The following TRAF2 variants were observed in gnomAD, a reference collection of about 807,000 sequenced individuals.
TRAF2 encodes the protein TNF receptor associated factor 2, also known as TNF receptor-associated factor 2.
A neutral mutation model predicts 55.6 loss-of-function variants in TRAF2; 6 were observed. That is an observed-to-expected ratio of 0.11 (90% CI 0.06 to 0.21). TRAF2 has a LOEUF of 0.21. TRAF2 is among the 10% of genes least tolerant of loss of function. TRAF2 has a pLI of 1.00. For missense variants in TRAF2, 561 were observed against 684.5 expected (o/e 0.82, Z 2.01); for synonymous variants, 329 against 276.3 (o/e 1.19, Z -1.89).
chr9:136,915,588 C>T (rs1292022571), intron 6 of TRAF2, among the ~76,000 whole-genome samples: 1 of 151,948 alleles, frequency 6.6e-6, no homozygotes, highest in Non-Finnish European at 1.5e-5. Context: ...TGTGCTTAGG[C>T]TCTGTGCAAA....
intron 1 of TRAF2, among the ~76,000 whole-genome samples, chr9:136,891,984 C>T (rs1303991509): frequency 6.6e-6 from 1 of 151,798 alleles, no homozygotes; most frequent in Non-Finnish European, 1.5e-5. Flanking sequence ...TCCCAAAGTG[C>T]TGGGATTACA....
At chr9:136,896,268 G>T (rs1310291782) in intron 1 of TRAF2, among the ~76,000 whole-genome samples, 1 of 152,248 alleles carries the variant, frequency 6.6e-6, no homozygotes, top group African/African-American at 2.4e-5. Flanking sequence ...GCTTTTGGAA[G>T]GAGGAGCATG....
chr9:136,918,123 T>A (rs1850283509), intron 7 of TRAF2, among the ~76,000 whole-genome samples: 5 of 151,696 alleles, frequency 3.3e-5, no homozygotes, highest in Admixed American at 1.3e-4. Context: ...TCCAGCTGTT[T>A]GTGTCTTGAG....
At chr9:136,913,581 G>A (rs993346402) in intron 6 of TRAF2, among the ~76,000 whole-genome samples, 4 of 152,040 alleles carry the variant, frequency 2.6e-5, no homozygotes, top group African/African-American at 9.7e-5. Flanking sequence ...ACAAGTGTGA[G>A]CCACCGTGCC....
At chr9:136,908,651 G>C (rs538624039) in intron 5 of TRAF2, among the ~76,000 whole-genome samples, 49 of 152,264 alleles carry the variant, frequency 3.2e-4, no homozygotes, top group African/African-American at 1.1e-3. Context: ...CAGATCACGA[G>C]GTCAGGAGCT....
intron 7 of TRAF2, among the ~76,000 whole-genome samples, chr9:136,918,492 G>T (rs1438489137): frequency 6.6e-6 from 1 of 151,850 alleles, no homozygotes; most frequent in Non-Finnish European, 1.5e-5. Flanking sequence ...GTTTCACCAT[G>T]TTGCCCAGGC....
upstream of TRAF2, among the ~76,000 whole-genome samples, chr9:136,885,709 AG>A (rs1347426486): frequency 2.6e-5 from 4 of 151,994 alleles, no homozygotes. Flanking sequence ...CGGAGGTTGC[AG>A]TGAGTCGAGA....
intron 7 of TRAF2, among the ~76,000 whole-genome samples, chr9:136,918,720 CTTATT>C (rs894013282): frequency 2.6e-5 from 4 of 151,582 alleles, no homozygotes; most frequent in Non-Finnish European, 4.4e-5. Flanking sequence ...CTTTTTATTT[CTTATT>C]TTATTTTGTT....
upstream of TRAF2, chr9:136,882,591 AGACTGCCCGGG>A: frequency 1.1e-6 from 1 of 903,026 alleles, no homozygotes; most frequent in Non-Finnish European, 1.3e-6. Context: ...GCTTCTCCTG[AGACTGCCCGGG>A]GACATACCCT....
At chr9:136,920,897 T>G in intron 8 of TRAF2, 141 bp from the exon 9 acceptor site, 1 of 1,047,784 alleles carries the variant, frequency 9.5e-7, no homozygotes, top group Non-Finnish European at 1.4e-6. Context: ...TGGGTTCTTG[T>G]GTGCAGGGAG....
intron 1 of TRAF2, among the ~76,000 whole-genome samples, chr9:136,895,388 A>G (rs188645152): frequency 3.3e-5 from 5 of 152,338 alleles, no homozygotes; most frequent in Admixed American, 6.5e-5. Flanking sequence ...ACAGCAGAGC[A>G]GGTGTGCAGT....
At chr9:136,908,869 C>CG (rs1183261879) in intron 5 of TRAF2, among the ~76,000 whole-genome samples, 134 of 54,440 alleles carry the variant, frequency 2.5e-3, no homozygotes, top group East Asian at 5.3e-3. Flanking sequence ...GATTCCGTCT[C>CG]GGAAAAAAAA....
chr9:136,892,502 CA>C (rs916993438), intron 1 of TRAF2, among the ~76,000 whole-genome samples: 24 of 151,876 alleles, frequency 1.6e-4, no homozygotes, highest in African/African-American at 5.8e-4. Context: ...GCTTAAAAAC[CA>C]ATGATACTTA....
rs1225740179 is a variant in TRAF2, at chr9:136,916,450, T to G, written c.604-91T>G. 6 of 1,357,724 alleles carry G rather than the reference T, an allele frequency of 4.4e-6. No individual in the cohort carries two copies. In the African/African-American group the frequency reaches 8.6e-5, roughly 19 times the overall value. The allele number at this position is 1,357,724 out of a possible 1,614,324, so 84.1% of individuals were successfully genotyped here. On this transcript the variant is annotated intron_variant, in intron 6 of 10. Coordinates refer to ENST00000247668, the MANE Select transcript of TRAF2 (RefSeq NM_021138.4). Reference sequence around the variant, plus strand: ...GAAGAGGCCAACGGGGCAGGTCATGTAACCTCTGTGTCAGTCAGTGTGGTC... The same window carrying G: ...GAAGAGGCCAACGGGGCAGGTCATGGAACCTCTGTGTCAGTCAGTGTGGTC...
intron 6 of TRAF2, 134 bp from the exon 7 acceptor site, chr9:136,916,407 T>A: frequency 1.2e-6 from 1 of 816,698 alleles, no homozygotes; most frequent in Non-Finnish European, 2.1e-6. Flanking sequence ...GCTGTTGGGT[T>A]TCATTCAGTG....
chr9:136,884,245 G>C (rs952720288), upstream of TRAF2, among the ~76,000 whole-genome samples: 4 of 151,568 alleles, frequency 2.6e-5, no homozygotes, highest in African/African-American at 9.7e-5. Flanking sequence ...GCCGTGCCTG[G>C]CTGTTTTTTC....
chr9:136,925,920 T>G lies in TRAF2; in HGVS notation c.*19T>G, dbSNP rs1193446042. Reference sequence around the variant, plus strand: ...GCTCTAACTGCCCCCTACTGGTGTCTGGGGGTTGGGGGCAGCCAGGCACAG... The same window carrying G: ...GCTCTAACTGCCCCCTACTGGTGTCGGGGGGTTGGGGGCAGCCAGGCACAG... On this transcript the variant is annotated 3_prime_UTR_variant, in exon 11 of 11. Coordinates refer to ENST00000247668, the MANE Select transcript of TRAF2 (RefSeq NM_021138.4). The G allele has an allele frequency of 1.2e-6, 2 of 1,612,944 alleles. No homozygotes were observed. Among genetic ancestry groups the G allele is most frequent in the Admixed American group, 1.7e-5 (1 of 60,000 alleles).
At position 136,926,183 on chromosome 9, in the gene TRAF2, C is replaced by T. The variant is rs1479181175; in HGVS notation, c.*282C>T. 3.4e-6 allele frequency: 2 copies of T among 583,756 alleles called. No individual in the cohort carries two copies. Among genetic ancestry groups the T allele is most frequent in the Admixed American group, 2.2e-5 (1 of 44,876 alleles). 36.2% of individuals were successfully genotyped at this position (583,756 alleles called of 1,614,324 possible). On this transcript the variant is annotated 3_prime_UTR_variant, in exon 11 of 11. Coordinates refer to ENST00000247668, the MANE Select transcript of TRAF2 (RefSeq NM_021138.4). ...CGGGTGCTTCCCAGCACAAGCTGCC[C>T]TTGCTGTCCTGTGCAGTGAAGGGAG...
intron 7 of TRAF2, among the ~76,000 whole-genome samples, chr9:136,916,923 G>A (rs547773988): frequency 3.3e-5 from 5 of 152,218 alleles, no homozygotes; most frequent in South Asian, 2.1e-4. Context: ...AGATGTACCC[G>A]GCCGGCTCGC....
Sources: gnomAD v4.1 joint callset for allele counts (sites outside exome capture counted in the v4.1 genomes callset) on GRCh38, gnomAD v4.1.1 for gene constraint, MANE v1.5 for transcripts, NCBI Gene and HGNC (gene_info 2026-07-23, HGNC 2026-07-21) for gene names.